CDYL: variants seen among roughly 807,000 people sequenced by gnomAD.
The protein encoded by CDYL is chromodomain Y-like protein.
A neutral mutation model predicts 47.3 loss-of-function variants in CDYL; 8 were observed. That is an observed-to-expected ratio of 0.17 (90% CI 0.10 to 0.31). The LOEUF is 0.31. Ranked by LOEUF, CDYL falls within the 10% of genes least tolerant of loss-of-function variation. The pLI is 1.00. For synonymous variants in CDYL, 266 were observed against 265.0 expected, an observed-to-expected ratio of 1.00 and a Z score of -0.04; for missense variants, 471 against 701.4, an observed-to-expected ratio of 0.67 and a Z score of 3.71.
intron 1 of CDYL, among the ~76,000 whole-genome samples, chr6:4,792,248 G>T (rs1758945648): frequency 6.6e-6 from 1 of 151,434 alleles, no homozygotes; most frequent in Admixed American, 6.6e-5. Flanking sequence ...CTTTTATTTT[G>T]CCTTTTCCTT....
At chr6:4,868,923 T>C (rs1032610817) in intron 1 of CDYL, among the ~76,000 whole-genome samples, 4 of 152,360 alleles carry the variant, frequency 2.6e-5, no homozygotes, top group African/African-American at 9.6e-5. Context: ...GTAATATTTA[T>C]TGGCTAAAAG....
intron 1 of CDYL, among the ~76,000 whole-genome samples, chr6:4,792,910 T>C (rs919025478): frequency 6.6e-6 from 1 of 152,192 alleles, no homozygotes; most frequent in Non-Finnish European, 1.5e-5. Context: ...GGATAATCCA[T>C]AGGCACTGTT....
At chr6:4,940,166 C>T (rs748751318) in intron 4 of CDYL, among the ~76,000 whole-genome samples, 1 of 152,172 alleles carries the variant, frequency 6.6e-6, no homozygotes, top group Non-Finnish European at 1.5e-5. Context: ...CTCCCTGCTC[C>T]GTCCACTCTC....
intron 3 of CDYL, among the ~76,000 whole-genome samples, chr6:4,770,963 A>G (rs1286369589): frequency 6.6e-6 from 1 of 152,240 alleles, no homozygotes; most frequent in African/African-American, 2.4e-5. Context: ...ATGTGCGTGC[A>G]TATATAAGCA....
At position 4,892,359 on chromosome 6, in the gene CDYL, G is replaced by T; in HGVS notation, c.671G>T (p.Gly224Val). The change falls in exon 2 of 7, where the codon GGC (glycine) becomes GTC (valine). Residue 224 changes from glycine (G) to valine (V), a missense_variant. By Grantham distance (109) the Gly-to-Val change is moderately radical. This residue lies in a region of CDYL where 311 missense variants were observed against 350.0 expected (regional missense o/e 0.89). Transcript: ENST00000397588. ...PGPVTAAMAT[G>V]LAVNGKGTSP... ...CCTGTGACTGCAGCCATGGCCACAGGCTTAGCTGTTAACGGGAAAGGTGAG... is the reference window on the plus strand; with the variant it reads ...CCTGTGACTGCAGCCATGGCCACAGTCTTAGCTGTTAACGGGAAAGGTGAG... 1.9e-6 allele frequency: 3 copies of T among 1,611,026 alleles called. No homozygotes were observed. Among genetic ancestry groups the T allele is most frequent in the Non-Finnish European group, 2.5e-6 (3 of 1,178,142 alleles).
At position 4,943,648 on chromosome 6, in the gene CDYL, G is replaced by T; in HGVS notation, c.1224G>T (p.Val408=). The T allele has an allele frequency of 6.2e-7, 1 of 1,613,922 alleles. No homozygotes were observed. Among genetic ancestry groups the T allele is most frequent in the South Asian group, 1.1e-5 (1 of 91,054 alleles). Residue 408 remains valine (V), a synonymous_variant, in exon 5 of 7, where the codon GTG becomes GTT. Transcript: ENST00000397588. ...CATCTATATTGCCTCTTTGCGATGT[G>T]GTTTGGGCTAATGAAAAGGCTTGGT... is the stretch of plus-strand genomic sequence containing the variant. ...LGASILPLCD[V]VWANEKAWFQ... is the part of the protein sequence containing the mutation.
At chr6:4,736,109 C>G (rs915867428) in intron 3 of CDYL, among the ~76,000 whole-genome samples, 1 of 152,160 alleles carries the variant, frequency 6.6e-6, no homozygotes, top group Non-Finnish European at 1.5e-5. Context: ...CTCTTTGCTT[C>G]TATGTGTTTG....
intron 1 of CDYL, among the ~76,000 whole-genome samples, chr6:4,861,433 C>A (rs1365364341): frequency 6.6e-6 from 1 of 152,198 alleles, no homozygotes; most frequent in African/African-American, 2.4e-5. Flanking sequence ...AGATGCTGTC[C>A]TTGGCCATGT....
intron 2 of CDYL, among the ~76,000 whole-genome samples, chr6:4,722,150 G>A (rs1461229324): frequency 6.6e-6 from 1 of 152,162 alleles, no homozygotes; most frequent in African/African-American, 2.4e-5. Flanking sequence ...ACTGCGCCCG[G>A]CCAGAGAAAT....
chr6:4,789,482 C>T (rs754092494), intron 1 of CDYL, among the ~76,000 whole-genome samples: 2 of 152,092 alleles, frequency 1.3e-5, no homozygotes, highest in Non-Finnish European at 2.9e-5. Flanking sequence ...GTTTCCCTGG[C>T]CCTGGCAGCC....
chr6:4,731,692 A>G (rs1460184459), intron 2 of CDYL, among the ~76,000 whole-genome samples: 1 of 152,088 alleles, frequency 6.6e-6, no homozygotes, highest in Non-Finnish European at 1.5e-5. Context: ...CCAGCTACTC[A>G]GGAGACTGAG....
intron 1 of CDYL, among the ~76,000 whole-genome samples, chr6:4,875,621 ACAT>A (rs1379980274): frequency 6.6e-6 from 1 of 152,212 alleles, no homozygotes; most frequent in Admixed American, 6.5e-5. Flanking sequence ...AAAAAATTTG[ACAT>A]CATATCTGTG....
chr6:4,801,845 C>T (rs1483329495), intron 1 of CDYL, among the ~76,000 whole-genome samples: 2 of 152,182 alleles, frequency 1.3e-5, no homozygotes, highest in Non-Finnish European at 2.9e-5. Context: ...CTCCATGTTA[C>T]TCTTTTTTAA....
upstream of CDYL, among the ~76,000 whole-genome samples, chr6:4,776,241 C>T (rs1489685389): frequency 5.6e-5 from 8 of 143,684 alleles, no homozygotes; most frequent in African/African-American, 2.0e-4. Context: ...GCCGGCCGCC[C>T]GCCTCGGCCC....
chr6:4,849,776 T>A (rs936212167), intron 1 of CDYL, among the ~76,000 whole-genome samples: 2 of 151,986 alleles, frequency 1.3e-5, no homozygotes, highest in Non-Finnish European at 2.9e-5. Flanking sequence ...ACTTAAAAGT[T>A]CAAGGGACAT....
chr6:4,758,702 A>T (rs1373803004), intron 3 of CDYL, among the ~76,000 whole-genome samples: 1 of 152,006 alleles, frequency 6.6e-6, no homozygotes, highest in African/African-American at 2.4e-5. Flanking sequence ...TGGAAAATAT[A>T]AGAGGAAGGA....
chr6:4,912,910 G>A (rs1046786195), intron 2 of CDYL, among the ~76,000 whole-genome samples: 1 of 152,150 alleles, frequency 6.6e-6, no homozygotes, highest in Admixed American at 6.5e-5. Context: ...AAGGCCCCTC[G>A]TCTCAATACT....
chr6:4,710,505 TG>T lies in CDYL; in HGVS notation c.-39+4255del, dbSNP rs556569158. ...ATGTGCCACCAGGATTGAGAACCAC[TG>T]CTTTTTTGGTCCCTTTTAATTTCAC... is the stretch of plus-strand genomic sequence containing the variant. On this transcript the variant is annotated intron_variant, in intron 1 of 8. Transcript: ENST00000328908. Among the ~76,000 whole-genome samples, 30 of 146,946 alleles carry T rather than the reference TG, an allele frequency of 2.0e-4. No homozygotes were observed. The East Asian group carries it at 6.1e-3, about 30-fold the overall frequency.
intron 1 of CDYL, among the ~76,000 whole-genome samples, chr6:4,799,506 C>T (rs1003640883): frequency 9.2e-5 from 14 of 151,882 alleles, no homozygotes; most frequent in Admixed American, 5.9e-4. Context: ...AGTGCAGTGG[C>T]GTGATCATGG....
Sources: gnomAD v4.1 joint callset for allele counts (sites outside exome capture counted in the v4.1 genomes callset) on GRCh38, gnomAD v4.1.1 for gene constraint, gnomAD v4.1.1 regional missense constraint, MANE v1.5 for transcripts, NCBI Gene and HGNC (gene_info 2026-07-23, HGNC 2026-07-21) for gene names.